Variants in UBAC2 observed in about 807,000 individuals in gnomAD.
UBAC2 encodes ubiquitin-associated domain-containing protein 2.
UBAC2 carries 26 observed loss-of-function variants against 44.0 expected under a neutral mutation model. That is an observed-to-expected ratio of 0.59 (90% CI 0.43 to 0.82). The LOEUF (loss-of-function observed/expected upper bound fraction) is 0.82, where lower values mean the gene tolerates loss of function less well. Ranked by LOEUF, UBAC2 falls within the 40% of genes least tolerant of loss-of-function variation. The probability of loss-of-function intolerance (pLI) is 0.00; values close to 1 mark genes in which losing one functional copy is unlikely to be tolerated. For synonymous variants in UBAC2, 155 were observed against 154.3 expected, an observed-to-expected ratio of 1.00 and a Z score of -0.04; for missense variants, 329 against 419.4, an observed-to-expected ratio of 0.78 and a Z score of 1.88.
chr13:99,216,894 G>A (rs755918882), intron 1 of UBAC2, among the ~76,000 whole-genome samples: 4 of 150,340 alleles, frequency 2.7e-5, no homozygotes, highest in Admixed American at 6.7e-5. Context: ...GCAGTGGTGC[G>A]ATCTTGGCTC....
chr13:99,338,854 T>C (rs902964925), intron 6 of UBAC2, among the ~76,000 whole-genome samples: 1 of 152,162 alleles, frequency 6.6e-6, no homozygotes, highest in African/African-American at 2.4e-5. Flanking sequence ...TTAAAACACT[T>C]CTTAGCTTCA....
At chr13:99,312,779 C>G (rs947624320) in intron 4 of UBAC2, 3 of 153,564 alleles carry the variant, frequency 2.0e-5, no homozygotes, top group Admixed American at 6.5e-5. Flanking sequence ...CAGGGAGCAG[C>G]TGTGTGGATT....
intron 4 of UBAC2, among the ~76,000 whole-genome samples, chr13:99,279,486 C>T (rs778163364): frequency 2.0e-5 from 3 of 152,150 alleles, no homozygotes; most frequent in Non-Finnish European, 4.4e-5. Flanking sequence ...TTATAGCACT[C>T]ATCACTATAG....
At chr13:99,242,955 C>A (rs565031028) in intron 2 of UBAC2, among the ~76,000 whole-genome samples, 1 of 150,246 alleles carries the variant, frequency 6.7e-6, no homozygotes, top group Non-Finnish European at 1.5e-5. Context: ...GATGGGATGG[C>A]GGCCGGGAAG....
chr13:99,240,728 C>T (rs1278524937), intron 2 of UBAC2, among the ~76,000 whole-genome samples: 1 of 152,148 alleles, frequency 6.6e-6, no homozygotes, highest in Non-Finnish European at 1.5e-5. Context: ...CAGCTATGGC[C>T]TCAACACAGC....
chr13:99,344,299 T>TA lies in UBAC2; in HGVS notation c.807+3735dup, dbSNP rs542875961. On this transcript the variant is annotated intron_variant, in intron 7 of 8. Transcript: ENST00000403766. Reference sequence around the variant, plus strand: ...GTCTCTGTTTCTGATCCCTAACTCATATACCTCCCAATATGAGAGCTCCTT... The same window carrying TA: ...GTCTCTGTTTCTGATCCCTAACTCATAATACCTCCCAATATGAGAGCTCCTT... Among the ~76,000 whole-genome samples the TA allele has an allele frequency of 1.9e-3, 285 of 152,310 alleles. 1 individual carries two copies. Among genetic ancestry groups the TA allele is most frequent in the African/African-American group, 6.4e-3 (267 of 41,558 alleles).
At chr13:99,338,071 T>TTTTTTA (rs1555330450) in intron 6 of UBAC2, among the ~76,000 whole-genome samples, 1 of 105,076 alleles carries the variant, frequency 9.5e-6, no homozygotes, top group Non-Finnish European at 1.9e-5. Flanking sequence ...TTTTTTTTTT[T>TTTTTTA]TTTTGAGACA....
At chr13:99,346,789 C>G (rs2044990240) in intron 7 of UBAC2, among the ~76,000 whole-genome samples, 1 of 152,230 alleles carries the variant, frequency 6.6e-6, no homozygotes, top group South Asian at 2.1e-4. Context: ...ACCCGATGTT[C>G]ACTGGTGATT....
At chr13:99,306,469 C>T (rs1198069075) in intron 4 of UBAC2, among the ~76,000 whole-genome samples, 4 of 152,090 alleles carry the variant, frequency 2.6e-5, no homozygotes, top group Admixed American at 2.0e-4. Flanking sequence ...TCTTATTACA[C>T]TATATTGTAC....
intron 4 of UBAC2, among the ~76,000 whole-genome samples, chr13:99,274,598 T>C (rs2043858943): frequency 6.6e-6 from 1 of 152,224 alleles, no homozygotes; most frequent in Non-Finnish European, 1.5e-5. Context: ...AGTGTTAGGA[T>C]TACAGGCATG....
chr13:99,201,137 T>G (rs889574407), intron 1 of UBAC2, 198 bp downstream of exon 1: 21 of 1,355,302 alleles, frequency 1.5e-5, no homozygotes, highest in Non-Finnish European at 2.0e-5. Flanking sequence ...GAGGGGCGAA[T>G]GGGGACAAAG....
At chr13:99,204,873 C>T (rs920450320) in intron 1 of UBAC2, among the ~76,000 whole-genome samples, 16 of 148,326 alleles carry the variant, frequency 1.1e-4, no homozygotes, top group Non-Finnish European at 2.2e-4. Context: ...TTAGAGGTGG[C>T]CGCAGGTGTA....
chr13:99,227,226 G>A (rs922502106), intron 1 of UBAC2, among the ~76,000 whole-genome samples: 1 of 151,342 alleles, frequency 6.6e-6, no homozygotes, highest in Non-Finnish European at 1.5e-5. Context: ...AAAAAAAGAC[G>A]GCACCCCTCC....
At chr13:99,209,635 T>G (rs2042914846) in intron 1 of UBAC2, among the ~76,000 whole-genome samples, 1 of 152,120 alleles carries the variant, frequency 6.6e-6, no homozygotes. Flanking sequence ...CAGTCTTAAG[T>G]TTTTGGGGGC....
intron 6 of UBAC2, among the ~76,000 whole-genome samples, chr13:99,329,921 C>T (rs2044690951): frequency 6.6e-6 from 1 of 152,126 alleles, no homozygotes; most frequent in Non-Finnish European, 1.5e-5. Context: ...TAATTTGTTG[C>T]TCAGTAATCA....
At chr13:99,265,840 G>A (rs906570658) in intron 4 of UBAC2, among the ~76,000 whole-genome samples, 3 of 152,186 alleles carry the variant, frequency 2.0e-5, no homozygotes, top group African/African-American at 7.2e-5. Context: ...AAAAGAAATA[G>A]GTAGATTGGG....
At chr13:99,344,787 G>A (rs1384160488) in intron 7 of UBAC2, among the ~76,000 whole-genome samples, 2 of 152,174 alleles carry the variant, frequency 1.3e-5, no homozygotes, top group African/African-American at 4.8e-5. Flanking sequence ...TGTGGCTCTG[G>A]GGGCACAGTT....
chr13:99,290,115 C>A (rs1208170730), intron 4 of UBAC2, among the ~76,000 whole-genome samples: 1 of 151,174 alleles, frequency 6.6e-6, no homozygotes, highest in Non-Finnish European at 1.5e-5. Flanking sequence ...TCCCCACTTG[C>A]TGACTGTGTG....
At chr13:99,351,434 T>C in intron 7 of UBAC2, 1 of 422,654 alleles carries the variant, frequency 2.4e-6, no homozygotes, top group South Asian at 1.7e-5. Flanking sequence ...TTTGATCTCT[T>C]GCCTCTTTAT....
Sources: allele counts gnomAD v4.1 joint callset (sites outside exome capture counted in the v4.1 genomes callset), GRCh38; gene constraint gnomAD v4.1.1; transcripts MANE v1.5; gene names NCBI Gene and HGNC (gene_info 2026-07-23, HGNC 2026-07-21).